TRAPPC9: variants seen among roughly 807,000 people sequenced by gnomAD.
TRAPPC9 encodes the protein trafficking protein particle complex subunit 9.
A neutral mutation model predicts 124.0 loss-of-function variants in TRAPPC9; 83 were observed. The ratio of observed to expected loss-of-function variants is 0.67; its 90% CI spans 0.56 to 0.80. The LOEUF (loss-of-function observed/expected upper bound fraction) is 0.80. Ranked by LOEUF, TRAPPC9 falls within the 30% of genes least tolerant of loss-of-function variation. The pLI is 0.00. For missense variants in TRAPPC9, 1,302 were observed against 1,508.3 expected (o/e 0.86, Z 2.27); for synonymous variants, 638 against 617.5 (o/e 1.03, Z -0.49).
intron 21 of TRAPPC9, among the ~76,000 whole-genome samples, chr8:139,813,588 G>T (rs773862314): frequency 3.2e-4 from 49 of 152,252 alleles, no homozygotes; most frequent in Non-Finnish European, 6.5e-4. Flanking sequence ...ACCGGGTGGG[G>T]AGAGGCAAAC....
chr8:140,270,666 G>C (rs556249189), intron 15 of TRAPPC9, among the ~76,000 whole-genome samples: 1 of 152,334 alleles, frequency 6.6e-6, no homozygotes, highest in African/African-American at 2.4e-5. Context: ...AGAAAGGGCA[G>C]CCAAGCCAGA....
At chr8:140,383,447 C>A (rs2068669220) in intron 7 of TRAPPC9, among the ~76,000 whole-genome samples, 1 of 152,236 alleles carries the variant, frequency 6.6e-6, no homozygotes, top group African/African-American at 2.4e-5. Context: ...ACTAGAATAA[C>A]CAGTGTAGAA....
intron 21 of TRAPPC9, among the ~76,000 whole-genome samples, chr8:139,761,185 A>G (rs988906506): frequency 2.0e-5 from 3 of 152,162 alleles, no homozygotes; most frequent in Admixed American, 6.5e-5. Flanking sequence ...CGTCCTGGGC[A>G]GGGGATGAGG....
In TRAPPC9 at chr8:140,084,419, T is replaced by C. The variant is rs115896014; in HGVS notation, c.2557-60340A>G. Among the ~76,000 whole-genome samples, 454 of 152,316 alleles carry C rather than the reference T, an allele frequency of 3.0e-3. 6 individuals carry two copies. The highest frequency in any genetic ancestry group is 0.011 in the African/African-American group (439 of 41,580). ...AATCCACATATAATTGCCTCATCCA[T>C]GGTAAACAGGCTGAGCGTGTCCCTT... On this transcript the variant is annotated intron_variant, in intron 17 of 22. Coordinates refer to ENST00000438773, the MANE Select transcript of TRAPPC9 (RefSeq NM_001160372.4).
rs183264750 is a variant in TRAPPC9, at chr8:139,828,621, C to T, written c.3055+57258G>A. Among the ~76,000 whole-genome samples, 63 of 152,284 alleles carry T rather than the reference C, an allele frequency of 4.1e-4. 2 individuals are homozygous for T. The highest frequency in any genetic ancestry group is 3.7e-3 in the Admixed American group (56 of 15,292). ...CAATTAATATTTGTTGCTTGAGTTC[C>T]CCAGGGTGTCTGACACTGGGCTGTA... is the stretch of plus-strand genomic sequence containing the variant. On this transcript the variant is annotated intron_variant, in intron 21 of 22. Transcript: ENST00000438773.
intron 17 of TRAPPC9, among the ~76,000 whole-genome samples, chr8:140,029,637 T>TAA (rs1485723439): frequency 7.8e-4 from 90 of 115,556 alleles, no homozygotes; most frequent in East Asian, 5.7e-3. Flanking sequence ...ATAATAAAAT[T>TAA]AAAAATATAT....
At chr8:140,270,274 G>A (rs2064836218) in intron 15 of TRAPPC9, among the ~76,000 whole-genome samples, 1 of 152,208 alleles carries the variant, frequency 6.6e-6, no homozygotes, top group Non-Finnish European at 1.5e-5. Flanking sequence ...GGCGTGGAGA[G>A]GGGAGCATCT....
At chr8:140,357,136 G>A (rs1330316240) in intron 9 of TRAPPC9, among the ~76,000 whole-genome samples, 4 of 152,126 alleles carry the variant, frequency 2.6e-5, no homozygotes, top group Admixed American at 2.6e-4. Flanking sequence ...ACTGATGACC[G>A]ACAAGTGCAG....
intron 17 of TRAPPC9, among the ~76,000 whole-genome samples, chr8:140,028,459 T>C (rs1840292254): frequency 6.6e-6 from 1 of 152,208 alleles, no homozygotes; most frequent in Non-Finnish European, 1.5e-5. Flanking sequence ...CACACCCAAC[T>C]GCAACAGTCA....
rs374686938 is a variant in TRAPPC9 at position 140,426,699 on chromosome 8, T to C, written c.860-58A>G. On this transcript the variant is annotated intron_variant, in intron 4 of 22. Coordinates refer to ENST00000438773, the MANE Select transcript of TRAPPC9 (RefSeq NM_001160372.4). ...TGGAAAACAAAACTACTTTTAAAAA[T>C]AACTACTAAAACACATTTCATAATT... 8.9e-5 allele frequency: 136 copies of C among 1,520,430 alleles called. 1 individual carries two copies. In the African/African-American group the frequency reaches 1.7e-3, roughly 19 times the overall value. 94.2% of individuals were successfully genotyped at this position (1,520,430 alleles called of 1,614,324 possible). A position where few individuals can be genotyped will look rare whatever the true frequency, so the allele number is the denominator to read the frequency against.
At chr8:140,112,504 A>C (rs908301038) in intron 17 of TRAPPC9, among the ~76,000 whole-genome samples, 7 of 152,222 alleles carry the variant, frequency 4.6e-5, no homozygotes, top group African/African-American at 1.7e-4. Context: ...AGAATTCCAG[A>C]TAATGTCAGA....
intron 17 of TRAPPC9, among the ~76,000 whole-genome samples, chr8:140,172,036 G>C (rs1485612118): frequency 6.6e-6 from 1 of 152,156 alleles, no homozygotes; most frequent in Non-Finnish European, 1.5e-5. Flanking sequence ...ATATCTGAAG[G>C]CTAAGCAAAT....
At chr8:140,196,003 A>G (rs1459554376) in intron 17 of TRAPPC9, among the ~76,000 whole-genome samples, 1 of 151,386 alleles carries the variant, frequency 6.6e-6, no homozygotes, top group Non-Finnish European at 1.5e-5. Context: ...ACACTAAAAC[A>G]CTCAGCAATC....
chr8:140,171,129 C>T (rs1442139907), intron 17 of TRAPPC9, among the ~76,000 whole-genome samples: 2 of 152,174 alleles, frequency 1.3e-5, no homozygotes, highest in African/African-American at 2.4e-5. Context: ...ATTAAATGAG[C>T]TGATAAATGA....
intron 17 of TRAPPC9, among the ~76,000 whole-genome samples, chr8:140,037,003 C>A (rs1015390694): frequency 1.3e-5 from 2 of 152,070 alleles, no homozygotes; most frequent in Non-Finnish European, 2.9e-5. Flanking sequence ...CCTAGCCCCC[C>A]ACCCCCGACA....
chr8:139,832,131 C>T (rs1826035046), intron 21 of TRAPPC9, among the ~76,000 whole-genome samples: 1 of 152,204 alleles, frequency 6.6e-6, no homozygotes, highest in Non-Finnish European at 1.5e-5. Context: ...CTGAGGGCCT[C>T]GTTCGAGCTC....
At chr8:140,134,931 T>A (rs924260075) in intron 17 of TRAPPC9, among the ~76,000 whole-genome samples, 1 of 151,936 alleles carries the variant, frequency 6.6e-6, no homozygotes, top group Non-Finnish European at 1.5e-5. Context: ...CTGATAAGGG[T>A]TTAATATTCA....
At chr8:140,131,979 C>G (rs1051511926) in intron 17 of TRAPPC9, among the ~76,000 whole-genome samples, 2 of 152,176 alleles carry the variant, frequency 1.3e-5, no homozygotes, top group Non-Finnish European at 2.9e-5. Flanking sequence ...TCACAGTCGG[C>G]CCCCCAATGA....
In TRAPPC9 at chr8:140,450,983, C is replaced by T. The variant is rs199691323; in HGVS notation, c.391G>A (p.Asp131Asn). The T allele has an allele frequency of 3.5e-5, 57 of 1,614,148 alleles. No homozygotes were observed. In the East Asian group the frequency reaches 1.1e-3, roughly 32 times the overall value. ...TCGTAGTTGGGGTAGAAAGCCACGT[C>T]GGTGCGCGGCTGCTCCACGATCTCC... ...QGEIVEQPRT[D>N]VAFYPNYEDC... is the part of the protein sequence containing the mutation. The change falls in exon 2 of 23, where the codon GAC (aspartate) becomes AAC (asparagine). Residue 131 changes from aspartate to asparagine, a missense_variant. Asp to Asn is a conservative substitution (Grantham distance 23). Coordinates refer to ENST00000438773, the MANE Select transcript of TRAPPC9 (RefSeq NM_001160372.4).
Sources: gnomAD v4.1 joint callset for allele counts (sites outside exome capture counted in the v4.1 genomes callset) on GRCh38, gnomAD v4.1.1 for gene constraint, MANE v1.5 for transcripts, NCBI Gene and HGNC (gene_info 2026-07-23, HGNC 2026-07-21) for gene names.